The following PTPRQ variants were observed in gnomAD, a reference collection of about 807,000 sequenced individuals.
The protein encoded by PTPRQ is protein tyrosine phosphatase receptor type Q, also known as phosphatidylinositol phosphatase PTPRQ.
In PTPRQ, 199 loss-of-function variants were observed where a neutral mutation model predicts 246.0. That is an observed-to-expected ratio of 0.81 (90% CI 0.72 to 0.91). The LOEUF (loss-of-function observed/expected upper bound fraction) is 0.91. PTPRQ is among the 40% of genes least tolerant of loss of function. PTPRQ has a pLI of 0.00. For synonymous variants in PTPRQ, 869 were observed against 853.2 expected (o/e 1.02, Z -0.32); for missense variants, 2,624 against 2,528.4 (o/e 1.04, Z -0.81).
chr12:80,614,436 C>T (rs1000791041), intron 29 of PTPRQ, among the ~76,000 whole-genome samples: 5 of 150,762 alleles, frequency 3.3e-5, no homozygotes, highest in African/African-American at 4.8e-5. Flanking sequence ...TCAGAGAAAT[C>T]ATCTTCTAAG....
chr12:80,614,222 T>C (rs921921800), intron 29 of PTPRQ, among the ~76,000 whole-genome samples: 5 of 150,886 alleles, frequency 3.3e-5, no homozygotes, highest in African/African-American at 1.2e-4. Context: ...AATAATTGTT[T>C]ACCTGTTTAA....
chr12:80,622,469 G>C (rs1284635570), intron 33 of PTPRQ, among the ~76,000 whole-genome samples: 1 of 151,940 alleles, frequency 6.6e-6, no homozygotes, highest in Non-Finnish European at 1.5e-5. Flanking sequence ...TGGTGGTGGT[G>C]CATGCTACTG....
intron 25 of PTPRQ, chr12:80,583,749 G>T (rs1367529419): frequency 6.6e-6 from 1 of 152,116 alleles, no homozygotes; most frequent in Admixed American, 6.6e-5. Flanking sequence ...CAGGCGTGTT[G>T]TGCCTAGGTT....
rs186168302 is a variant in PTPRQ, at chr12:80,597,978, C to T, written c.4610-7081C>T. ...AGTAATTAGAATATTTTCATTCTTA[C>T]CTGGCATGTCCAGTATTGAAACTGA... On this transcript the variant is annotated intron_variant, in intron 26 of 44. Transcript: ENST00000644991. Among the ~76,000 whole-genome samples, 287 of 152,026 alleles carry T rather than the reference C, an allele frequency of 1.9e-3. 2 individuals are homozygous for T. Among genetic ancestry groups the T allele is most frequent in the African/African-American group, 6.6e-3 (275 of 41,514 alleles).
intron 35 of PTPRQ, among the ~76,000 whole-genome samples, chr12:80,644,145 C>T (rs1466417556): frequency 3.3e-5 from 5 of 152,142 alleles, no homozygotes; most frequent in Non-Finnish European, 5.9e-5. Flanking sequence ...CTTCAATCAC[C>T]ACTGCCAACA....
At position 80,449,485 on chromosome 12, in the gene PTPRQ, C is replaced by T. The variant is rs566548640; in HGVS notation, c.390+3768C>T. On this transcript the variant is annotated intron_variant, in intron 3 of 44. Transcript: ENST00000644991. ...TCCTGAATGGTAATGCCTAGGTTTACTTCTAGGGTTTTTATGGTTTTAGGT... is the reference window on the plus strand; with the variant it reads ...TCCTGAATGGTAATGCCTAGGTTTATTTCTAGGGTTTTTATGGTTTTAGGT... 8.5e-5 allele frequency among the ~76,000 whole-genome samples: 13 copies of T among 152,256 alleles called. 1 individual carries two copies. The South Asian group carries it at 2.3e-3, about 27-fold the overall frequency.
At chr12:80,574,526 A>AT in intron 25 of PTPRQ, among the ~76,000 whole-genome samples, 1 of 152,012 alleles carries the variant, frequency 6.6e-6, no homozygotes, top group East Asian at 1.9e-4. Flanking sequence ...TTAACTATAT[A>AT]TTTTTAGCAT....
At chr12:80,571,089 T>A (rs1897133472) in intron 25 of PTPRQ, among the ~76,000 whole-genome samples, 1 of 152,156 alleles carries the variant, frequency 6.6e-6, no homozygotes, top group African/African-American at 2.4e-5. Context: ...CCATATGAAA[T>A]TTAAAGTGGT....
intron 35 of PTPRQ, among the ~76,000 whole-genome samples, chr12:80,639,220 G>A (rs567990414): frequency 3.7e-4 from 57 of 152,100 alleles, no homozygotes; most frequent in Non-Finnish European, 7.2e-4. Context: ...CAGAATTTTC[G>A]TAAGCTAAAA....
intron 6 of PTPRQ, among the ~76,000 whole-genome samples, chr12:80,467,090 A>G (rs1476007769): frequency 2.6e-5 from 4 of 152,212 alleles, no homozygotes; most frequent in Non-Finnish European, 5.9e-5. Flanking sequence ...ATGGGAGAAA[A>G]TTTTCACAAC....
At chr12:80,569,463 A>G (rs897221054) in intron 25 of PTPRQ, among the ~76,000 whole-genome samples, 2 of 151,416 alleles carry the variant, frequency 1.3e-5, no homozygotes, top group Non-Finnish European at 2.9e-5. Context: ...TGGGTGCAGC[A>G]CACCAGCATG....
In PTPRQ at chr12:80,675,302, T is replaced by A. The variant is rs533129464; in HGVS notation, c.6738+1998T>A. On this transcript the variant is annotated intron_variant, in intron 43 of 44. Coordinates refer to ENST00000644991, the MANE Select transcript of PTPRQ (RefSeq NM_001145026.2). ...TTACATTTTGTAGTGGAACTTTACA[T>A]TTTGCATTCTCTCTAATCCAAGTTT... Among the ~76,000 whole-genome samples, 288 of 152,298 alleles carry A rather than the reference T, an allele frequency of 1.9e-3. 10 individuals carry two copies. In the South Asian group the frequency reaches 0.056, roughly 30 times the overall value.
intron 43 of PTPRQ, among the ~76,000 whole-genome samples, chr12:80,676,542 T>C (rs1555214076): frequency 6.6e-6 from 1 of 152,110 alleles, no homozygotes; most frequent in Non-Finnish European, 1.5e-5. Flanking sequence ...CACTGGAGGC[T>C]GAGACAGGAG....
chr12:80,556,536 A>T (rs1565784236), intron 25 of PTPRQ, among the ~76,000 whole-genome samples: 1 of 152,200 alleles, frequency 6.6e-6, no homozygotes, highest in East Asian at 1.9e-4. Context: ...ACTAATGTTT[A>T]CTTAGATCAT....
intron 35 of PTPRQ, among the ~76,000 whole-genome samples, chr12:80,637,572 A>G (rs879737125): frequency 1.2e-4 from 18 of 152,232 alleles, no homozygotes; most frequent in Non-Finnish European, 2.2e-4. Context: ...ACATAATAAC[A>G]TGCTTTGCTG....
At chr12:80,556,823 A>T (rs1482206496) in intron 25 of PTPRQ, among the ~76,000 whole-genome samples, 2 of 152,130 alleles carry the variant, frequency 1.3e-5, no homozygotes, top group African/African-American at 2.4e-5. Flanking sequence ...CACATAGTGG[A>T]GAAAGGAATG....
chr12:80,575,839 C>CAAAAAAAAAAAAAAAAAAAAAAAA (rs201432092), intron 25 of PTPRQ, among the ~76,000 whole-genome samples: 1 of 47,130 alleles, frequency 2.1e-5, no homozygotes, highest in Non-Finnish European at 4.8e-5. Context: ...AACCCCATCT[C>CAAAAAAAAAAAAAAAAAAAAAAAA]AAAAAAAAAA....
chr12:80,507,108 A>G (rs1894985600), intron 16 of PTPRQ, among the ~76,000 whole-genome samples: 1 of 151,970 alleles, frequency 6.6e-6, no homozygotes, highest in Non-Finnish European at 1.5e-5. Flanking sequence ...TAATGAGATC[A>G]GGCTATTGTA....
At chr12:80,666,910 G>A (rs1900803525) in intron 39 of PTPRQ, among the ~76,000 whole-genome samples, 3 of 151,876 alleles carry the variant, frequency 2.0e-5, no homozygotes. Flanking sequence ...TGGCTGAATT[G>A]TTACAATAAC....
Sources: gnomAD v4.1 joint callset for allele counts (sites outside exome capture counted in the v4.1 genomes callset) on GRCh38, gnomAD v4.1.1 for gene constraint, MANE v1.5 for transcripts, NCBI Gene and HGNC (gene_info 2026-07-23, HGNC 2026-07-21) for gene names.